The following CACNA1E variants were observed in gnomAD, a reference collection of about 807,000 sequenced individuals.
CACNA1E encodes calcium voltage-gated channel subunit alpha1 E, also known as voltage-dependent R-type calcium channel subunit alpha-1E.
A neutral mutation model predicts 259.2 loss-of-function variants in CACNA1E; 40 were observed. That is an observed-to-expected ratio of 0.15 (90% CI 0.12 to 0.20). CACNA1E has a LOEUF of 0.20. Among genes scored for constraint, CACNA1E ranks in the 10% least tolerant of loss-of-function variants. The pLI is 1.00. For synonymous variants in CACNA1E, 1,104 were observed against 1,138.5 expected (o/e 0.97, Z 0.61); for missense variants, 1,874 against 3,040.1 (o/e 0.62, Z 9.02).
intron 26 of CACNA1E, among the ~76,000 whole-genome samples, chr1:181,751,490 G>T (rs1054056740): frequency 2.0e-4 from 31 of 152,204 alleles, no homozygotes; most frequent in African/African-American, 7.2e-4. Flanking sequence ...TGTGAGCCAA[G>T]GTCCTAGCTA....
intron 43 of CACNA1E, 96 bp downstream of exon 43, chr1:181,785,915 G>A: frequency 1.3e-6 from 1 of 741,158 alleles, no homozygotes; most frequent in Admixed American, 2.5e-5. Context: ...AAGGGCCCAA[G>A]AACAAATACT....
chr1:181,736,237 TC>T (rs1656018153), intron 21 of CACNA1E, 37 bp from the exon 22 acceptor site: 1 of 1,550,260 alleles, frequency 6.5e-7, no homozygotes, highest in South Asian at 1.2e-5. Context: ...TTCACATGCC[TC>T]ATGATTTCTG....
intron 25 of CACNA1E, among the ~76,000 whole-genome samples, chr1:181,741,904 G>A (rs1656612896): frequency 6.6e-6 from 1 of 152,206 alleles, no homozygotes; most frequent in African/African-American, 2.4e-5. Flanking sequence ...GATGTATTGA[G>A]AGTTATGATC....
chr1:181,475,065 T>C (rs1459697988), intron 2 of CACNA1E, among the ~76,000 whole-genome samples: 1 of 152,176 alleles, frequency 6.6e-6, no homozygotes, highest in Non-Finnish European at 1.5e-5. Context: ...AGAGCTAGAA[T>C]GTGTTAGGGG....
At chr1:181,442,155 A>G (rs777479207) in intron 2 of CACNA1E, among the ~76,000 whole-genome samples, 8 of 151,994 alleles carry the variant, frequency 5.3e-5, no homozygotes, top group Non-Finnish European at 1.0e-4. Context: ...GGAAGGGTAC[A>G]GGTGTGAAGG....
At chr1:181,616,712 C>CA (rs1223225948) in intron 6 of CACNA1E, among the ~76,000 whole-genome samples, 2 of 149,846 alleles carry the variant, frequency 1.3e-5, no homozygotes, top group African/African-American at 2.5e-5. Context: ...GACTCCATCT[C>CA]AAAAAAACAA....
At chr1:181,401,499 A>G (rs1004017280) in intron 1 of CACNA1E, among the ~76,000 whole-genome samples, 2 of 152,230 alleles carry the variant, frequency 1.3e-5, no homozygotes, top group South Asian at 4.1e-4. Context: ...AATGTATTGA[A>G]TAAGTAAATG....
chr1:181,675,799 A>G (rs1250038492), intron 7 of CACNA1E, among the ~76,000 whole-genome samples: 1 of 152,228 alleles, frequency 6.6e-6, no homozygotes, highest in African/African-American at 2.4e-5. Context: ...GATTGCCGTC[A>G]GGGGTTGGAA....
intron 1 of CACNA1E, among the ~76,000 whole-genome samples, chr1:181,324,122 G>C (rs1013630954): frequency 2.6e-5 from 4 of 152,110 alleles, no homozygotes; most frequent in Non-Finnish European, 5.9e-5. Context: ...GTGTCCTGAG[G>C]TCCTGTTCTG....
At chr1:181,552,833 C>A (rs181808368) in intron 3 of CACNA1E, among the ~76,000 whole-genome samples, 2 of 151,280 alleles carry the variant, frequency 1.3e-5, no homozygotes, top group African/African-American at 4.8e-5. Flanking sequence ...TTTCTGAGGT[C>A]TCTGTTCTGT....
intron 3 of CACNA1E, among the ~76,000 whole-genome samples, chr1:181,528,430 G>A (rs1321833312): frequency 6.6e-6 from 1 of 152,128 alleles, no homozygotes; most frequent in Non-Finnish European, 1.5e-5. Flanking sequence ...GCAGTAAATT[G>A]GTACCAGGAG....
intron 1 of CACNA1E, among the ~76,000 whole-genome samples, chr1:181,322,172 T>C (rs571937040): frequency 2.4e-4 from 37 of 152,276 alleles, no homozygotes; most frequent in African/African-American, 8.9e-4. Context: ...GTAGATGAGA[T>C]GCTGGCATAT....
rs1191196361 is a variant in CACNA1E, at chr1:181,804,079, T to C, written c.*5245T>C. 6.6e-6 allele frequency: 1 copy of C among 152,248 alleles called. No homozygotes were observed. The highest frequency in any genetic ancestry group is 2.4e-5 in the African/African-American group (1 of 41,458). The allele number at this position is 152,248 out of a possible 1,614,324, so 9.4% of individuals were successfully genotyped here. On this transcript the variant is annotated 3_prime_UTR_variant, in exon 48 of 48. Coordinates refer to ENST00000367573, the MANE Select transcript of CACNA1E (RefSeq NM_001205293.3). ...TACCTGTAAATACATTATTGAGGTT[T>C]GCATTTTTATTTTTGGAGGTATGAA...
chr1:181,590,312 C>T (rs1194037129), intron 6 of CACNA1E, among the ~76,000 whole-genome samples: 1 of 151,412 alleles, frequency 6.6e-6, no homozygotes, highest in Non-Finnish European at 1.5e-5. Context: ...CCACTCTTCA[C>T]TGCCTTCCAC....
At chr1:181,342,177 G>A (rs1652202205) in intron 1 of CACNA1E, among the ~76,000 whole-genome samples, 1 of 152,202 alleles carries the variant, frequency 6.6e-6, no homozygotes, top group African/African-American at 2.4e-5. Flanking sequence ...AAGGCCCAGA[G>A]GTTGACGCAG....
At chr1:181,321,233 C>T (rs1418095170) in intron 1 of CACNA1E, among the ~76,000 whole-genome samples, 2 of 152,240 alleles carry the variant, frequency 1.3e-5, no homozygotes, top group East Asian at 3.8e-4. Context: ...CTGGGGGTCA[C>T]ATTTCAGCAT....
chr1:181,359,147 C>T (rs1228463135), intron 1 of CACNA1E, among the ~76,000 whole-genome samples: 1 of 152,110 alleles, frequency 6.6e-6, no homozygotes, highest in Non-Finnish European at 1.5e-5. Flanking sequence ...TTATGGAACA[C>T]TGGGTATGTG....
intron 6 of CACNA1E, among the ~76,000 whole-genome samples, chr1:181,647,273 A>G (rs1280733859): frequency 2.6e-5 from 4 of 152,130 alleles, no homozygotes; most frequent in Non-Finnish European, 5.9e-5. Flanking sequence ...TCGGCTGTGA[A>G]GGTTCTCCTG....
intron 6 of CACNA1E, among the ~76,000 whole-genome samples, chr1:181,619,322 A>G (rs1286498617): frequency 6.6e-6 from 1 of 152,040 alleles, no homozygotes; most frequent in African/African-American, 2.4e-5. Context: ...CTGGGGAACA[A>G]GCATTTTGAG....
Sources: gnomAD v4.1 joint callset for allele counts (sites outside exome capture counted in the v4.1 genomes callset) on GRCh38, gnomAD v4.1.1 for gene constraint, MANE v1.5 for transcripts, NCBI Gene and HGNC (gene_info 2026-07-23, HGNC 2026-07-21) for gene names.